The following RAB3IP variants were observed in gnomAD, a reference collection of about 807,000 sequenced individuals.
RAB3IP encodes RAB3A interacting protein.
In RAB3IP, 36 loss-of-function variants were observed where a neutral mutation model predicts 59.1. The observed-to-expected ratio is 0.61, with a 90% CI of 0.47 to 0.80. RAB3IP has a LOEUF of 0.80. RAB3IP is among the 30% of genes least tolerant of loss of function. The pLI, the probability that RAB3IP is intolerant of heterozygous loss-of-function variation, is 0.00. For missense variants in RAB3IP, 511 were observed against 536.0 expected (o/e 0.95, Z 0.46); for synonymous variants, 207 against 191.2 (o/e 1.08, Z -0.68).
At chr12:69,798,259 T>C (rs1565917126) in intron 6 of RAB3IP, among the ~76,000 whole-genome samples, 1 of 152,240 alleles carries the variant, frequency 6.6e-6, no homozygotes, top group African/African-American at 2.4e-5. Flanking sequence ...TTGATTTGCA[T>C]TTCTCTGATG....
chr12:69,809,016 A>G (rs1879949308), intron 8 of RAB3IP, among the ~76,000 whole-genome samples: 1 of 150,422 alleles, frequency 6.6e-6, no homozygotes, highest in Admixed American at 6.7e-5. Flanking sequence ...ACAATTTGGC[A>G]TGTTTTTGCA....
At chr12:69,813,629 T>TGA (rs1880771932) in intron 10 of RAB3IP, among the ~76,000 whole-genome samples, 2 of 151,974 alleles carry the variant, frequency 1.3e-5, no homozygotes, top group African/African-American at 4.8e-5. Context: ...ATATCTTAAA[T>TGA]ATCAGGCATG....
chr12:69,744,252 A>G (rs1417416246), intron 1 of RAB3IP, among the ~76,000 whole-genome samples: 1 of 152,118 alleles, frequency 6.6e-6, no homozygotes, highest in Non-Finnish European at 1.5e-5. Context: ...TAATTTAAAT[A>G]AATATTTAAT....
rs111685162 is a variant in RAB3IP at position 69,739,963 on chromosome 12, C to G, written c.-26+932C>G. 9.4e-5 allele frequency: 113 copies of G among 1,198,794 alleles called. 1 individual carries two copies. In the African/African-American group the frequency reaches 1.4e-3, roughly 15 times the overall value. 74.3% of individuals were successfully genotyped at this position (1,198,794 alleles called of 1,614,324 possible). ...GGAAATGTTGCCTGTTCGGAGGCTA[C>G]CTGTTATACACTCTCCTGTTTCACC... On this transcript the variant is annotated intron_variant, in intron 1 of 10. Coordinates refer to ENST00000247833, the MANE Select transcript of RAB3IP (RefSeq NM_022456.5).
chr12:69,781,310 T>TC (rs1235689359), intron 3 of RAB3IP, among the ~76,000 whole-genome samples: 7 of 151,858 alleles, frequency 4.6e-5, no homozygotes, highest in East Asian at 1.9e-4. Flanking sequence ...ACGCACAGCA[T>TC]CCCCCCCGTT....
chr12:69,772,160 A>G (rs1208379880), intron 3 of RAB3IP, among the ~76,000 whole-genome samples: 1 of 152,122 alleles, frequency 6.6e-6, no homozygotes, highest in Non-Finnish European at 1.5e-5. Flanking sequence ...CCTTATCATT[A>G]CATAATACTC....
rs774822874 is a variant in RAB3IP, at chr12:69,801,702, G to T, written c.1111G>T (p.Val371Phe). 2 of 1,611,316 alleles carry T rather than the reference G, an allele frequency of 1.2e-6. No individual in the cohort carries two copies. The highest frequency in any genetic ancestry group is 2.2e-5 in the South Asian group (2 of 91,018). Residue 371 changes from valine to phenylalanine, a missense_variant, in exon 8 of 11, where the codon GTT (valine) becomes TTT (phenylalanine). Coordinates refer to ENST00000247833, the MANE Select transcript of RAB3IP (RefSeq NM_022456.5). ...TATCCGGTTTGTGAAAGCTTCTGCA[G>T]TTGAATGCGGAGGACCAAAGTAGGT... Reference protein sequence around the residue: ...QPIRFVKASAVECGGPKKCAL... With the variant: ...QPIRFVKASAFECGGPKKCAL...
At chr12:69,787,260 G>A (rs1875836475) in intron 4 of RAB3IP, among the ~76,000 whole-genome samples, 1 of 151,942 alleles carries the variant, frequency 6.6e-6, no homozygotes, top group African/African-American at 2.4e-5. Flanking sequence ...CAAAAGTTAT[G>A]TTTTTCTTCT....
intron 3 of RAB3IP, among the ~76,000 whole-genome samples, chr12:69,779,733 C>A (rs1430112435): frequency 6.9e-6 from 1 of 145,872 alleles, no homozygotes; most frequent in African/African-American, 2.6e-5. Flanking sequence ...TGATAAATTT[C>A]TGAATTGTTT....
chr12:69,742,581 C>T (rs1565864480), intron 1 of RAB3IP, among the ~76,000 whole-genome samples: 1 of 152,126 alleles, frequency 6.6e-6, no homozygotes, highest in Non-Finnish European at 1.5e-5. Flanking sequence ...TAGGGCTTAC[C>T]TCATTTTATA....
intron 3 of RAB3IP, chr12:69,779,172 G>T (rs1452688434): frequency 7.1e-6 from 1 of 140,830 alleles, no homozygotes; most frequent in African/African-American, 2.7e-5. Flanking sequence ...GGAGTGACCC[G>T]ATTTTCCAGG....
intron 3 of RAB3IP, chr12:69,779,289 C>T (rs1467692650): frequency 7.0e-6 from 1 of 143,364 alleles, no homozygotes; most frequent in Non-Finnish European, 1.5e-5. Flanking sequence ...ACGGTGCGCA[C>T]ACACACTGGC....
rs979022622 is a variant in RAB3IP, at chr12:69,822,457, G to A, written c.*7011G>A. Reference sequence around the variant, plus strand: ...AGATACACTTAGAATGAATATGCATGGAATCAAATTACATTCAGAATCTAC... The same window carrying A: ...AGATACACTTAGAATGAATATGCATAGAATCAAATTACATTCAGAATCTAC... On this transcript the variant is annotated 3_prime_UTR_variant, in exon 11 of 11. Coordinates refer to ENST00000247833, the MANE Select transcript of RAB3IP (RefSeq NM_022456.5). 2 of 150,476 alleles carry A rather than the reference G, an allele frequency of 1.3e-5. No homozygotes were observed. The highest frequency in any genetic ancestry group is 3.0e-5 in the Non-Finnish European group (2 of 67,738). 9.3% of individuals were successfully genotyped at this position (150,476 alleles called of 1,614,324 possible). A position where few individuals can be genotyped will look rare whatever the true frequency, so the allele number is the denominator to read the frequency against.
At chr12:69,811,290 C>G in intron 8 of RAB3IP, among the ~76,000 whole-genome samples, 1 of 152,042 alleles carries the variant, frequency 6.6e-6, no homozygotes, top group South Asian at 2.1e-4. Context: ...CTTATTCTTC[C>G]TGAATCACCC....
chr12:69,766,542 G>A (rs1431985129), intron 3 of RAB3IP, among the ~76,000 whole-genome samples: 1 of 139,356 alleles, frequency 7.2e-6, no homozygotes, highest in Non-Finnish European at 1.5e-5. Context: ...TTTTTTTTAA[G>A]ACAGTTTCAC....
intron 4 of RAB3IP, among the ~76,000 whole-genome samples, chr12:69,786,081 G>A (rs898096924): frequency 6.6e-6 from 1 of 152,148 alleles, no homozygotes; most frequent in African/African-American, 2.4e-5. Context: ...ACTTGGGGGG[G>A]TGGAAATTCC....
chr12:69,801,734 G>A lies in RAB3IP; in HGVS notation c.1130+13G>A, dbSNP rs572869007. On this transcript the variant is annotated intron_variant, in intron 8 of 10. Coordinates refer to ENST00000247833, the MANE Select transcript of RAB3IP (RefSeq NM_022456.5). ...GCGGAGGACCAAAGTAGGTTTTTAC[G>A]TGCATGAACTGTGAAAGTGACTGAG... 5.4e-5 allele frequency: 80 copies of A among 1,494,862 alleles called. No homozygotes were observed. Among genetic ancestry groups the A allele is most frequent in the Non-Finnish European group, 6.4e-5 (69 of 1,074,222 alleles). The allele number at this position is 1,494,862 out of a possible 1,614,324, so 92.6% of individuals were successfully genotyped here.
rs1200750933 is a variant in RAB3IP at position 69,818,059 on chromosome 12, AAC to A, written c.*2617_*2618del. On this transcript the variant is annotated 3_prime_UTR_variant, in exon 11 of 11. Coordinates refer to ENST00000247833, the MANE Select transcript of RAB3IP (RefSeq NM_022456.5). Reference sequence around the variant, plus strand: ...TTCATTCGATTGGTGAAAATGAAGAAACACAAAGTCAAGTTTTGGAGAGGGTT... The same window carrying A: ...TTCATTCGATTGGTGAAAATGAAGAAACAAAGTCAAGTTTTGGAGAGGGTT... The A allele has an allele frequency of 8.6e-5, 3 of 34,972 alleles. No individual in the cohort carries two copies. The highest frequency in any genetic ancestry group is 1.8e-4 in the African/African-American group (3 of 16,442). The allele number at this position is 34,972 out of a possible 1,614,324, so 2.2% of individuals were successfully genotyped here. A position where few individuals can be genotyped will look rare whatever the true frequency, so the allele number is the denominator to read the frequency against.
chr12:69,789,269 A>G (rs1876225535), intron 4 of RAB3IP, among the ~76,000 whole-genome samples: 1 of 152,098 alleles, frequency 6.6e-6, no homozygotes, highest in African/African-American at 2.4e-5. Flanking sequence ...AGACAAACCA[A>G]GAGAAGAGAG....
Sources: allele counts gnomAD v4.1 joint callset (sites outside exome capture counted in the v4.1 genomes callset), GRCh38; gene constraint gnomAD v4.1.1; transcripts MANE v1.5; gene names NCBI Gene and HGNC (gene_info 2026-07-23, HGNC 2026-07-21).